The following UGT2B7 variants were observed in gnomAD, a reference collection of about 807,000 sequenced individuals.
UGT2B7 encodes the protein UDP glucuronosyltransferase family 2 member B7, also known as UDP-glucuronosyltransferase 2B7.
In UGT2B7, 51 loss-of-function variants were observed where a neutral mutation model predicts 51.9. The ratio of observed to expected loss-of-function variants is 0.98; its 90% CI spans 0.78 to 1.24. The LOEUF (loss-of-function observed/expected upper bound fraction) is 1.24, where lower values mean the gene tolerates loss of function less well. Ranked by LOEUF, UGT2B7 falls within the 50% of genes most tolerant of loss-of-function variation. The pLI, the probability that UGT2B7 is intolerant of heterozygous loss-of-function variation, is 0.00. For synonymous variants in UGT2B7, 225 were observed against 211.6 expected (o/e 1.06, Z -0.55); for missense variants, 727 against 628.4 (o/e 1.16, Z -1.68).
chr4:69,086,456 T>C (rs1405274906), intron 1 of UGT2B7, among the ~76,000 whole-genome samples: 7 of 151,922 alleles, frequency 4.6e-5, no homozygotes, highest in Non-Finnish European at 7.4e-5. Flanking sequence ...CTGCAGCTGT[T>C]GGATGGAATG....
chr4:69,101,857 T>C (rs1719428147), intron 2 of UGT2B7, among the ~76,000 whole-genome samples: 1 of 152,126 alleles, frequency 6.6e-6, no homozygotes, highest in African/African-American at 2.4e-5. Flanking sequence ...TGTTACGTGG[T>C]GTGTGTGAGC....
chr4:69,112,423 C>G lies in UGT2B7; in HGVS notation c.1311-34C>G, dbSNP rs760146898. On this transcript the variant is annotated intron_variant, in intron 5 of 5. Coordinates refer to ENST00000305231, the MANE Select transcript of UGT2B7 (RefSeq NM_001074.4). Reference sequence around the variant, plus strand: ...TGAGGGGTTTTGTCTGTAACTCTTCCTGCTACATTACTGTCTTTATTTTTA... The same window carrying G: ...TGAGGGGTTTTGTCTGTAACTCTTCGTGCTACATTACTGTCTTTATTTTTA... 43 of 1,596,378 alleles carry G rather than the reference C, an allele frequency of 2.7e-5. No individual in the cohort carries two copies. The Middle Eastern group carries it at 7.1e-4, about 26-fold the overall frequency.
intron 1 of UGT2B7, chr4:69,066,496 T>C (rs1392598606): frequency 1.3e-5 from 2 of 152,138 alleles, no homozygotes; most frequent in Admixed American, 6.6e-5. Flanking sequence ...ACTCTGAGGA[T>C]CAAATATTGA....
chr4:69,086,227 A>T (rs1718952947), intron 1 of UGT2B7, among the ~76,000 whole-genome samples: 1 of 151,802 alleles, frequency 6.6e-6, no homozygotes, highest in South Asian at 2.1e-4. Flanking sequence ...ATATTTTAAA[A>T]TAATTTATCT....
At chr4:69,085,227 G>A (rs1444727632) in intron 1 of UGT2B7, among the ~76,000 whole-genome samples, 1 of 152,040 alleles carries the variant, frequency 6.6e-6, no homozygotes, top group African/African-American at 2.4e-5. Context: ...TAATGATGAC[G>A]AGCTTTTTTT....
intron 5 of UGT2B7, among the ~76,000 whole-genome samples, chr4:69,111,443 C>A (rs964894080): frequency 1.3e-5 from 2 of 152,128 alleles, no homozygotes; most frequent in African/African-American, 4.8e-5. Flanking sequence ...CACCATGACA[C>A]AATTACTTTT....
intron 3 of UGT2B7, among the ~76,000 whole-genome samples, chr4:69,105,829 T>A (rs1719577568): frequency 6.6e-6 from 1 of 152,146 alleles, no homozygotes; most frequent in Admixed American, 6.6e-5. Flanking sequence ...TTTATGGACT[T>A]GTTATTTTGT....
intron 2 of UGT2B7, among the ~76,000 whole-genome samples, chr4:69,101,450 G>A (rs1274373636): frequency 2.6e-5 from 4 of 151,924 alleles, no homozygotes; most frequent in African/African-American, 9.7e-5. Context: ...TGATGAATCT[G>A]TAAAGAGGCT....
At chr4:69,101,315 CA>C (rs1560510096) in intron 2 of UGT2B7, among the ~76,000 whole-genome samples, 2 of 151,976 alleles carry the variant, frequency 1.3e-5, no homozygotes, top group East Asian at 3.9e-4. Flanking sequence ...AATATCACAA[CA>C]TAAAAATTTT....
intron 1 of UGT2B7, among the ~76,000 whole-genome samples, chr4:69,077,257 T>C (rs1718728089): frequency 6.6e-6 from 1 of 151,658 alleles, no homozygotes; most frequent in Admixed American, 6.6e-5. Flanking sequence ...TTGTCTTGGC[T>C]CTGCAGGCTC....
intron 2 of UGT2B7, among the ~76,000 whole-genome samples, chr4:69,091,322 C>G (rs1380269042): frequency 6.6e-6 from 1 of 151,528 alleles, no homozygotes; most frequent in Non-Finnish European, 1.5e-5. Flanking sequence ...CACCTTGTAC[C>G]TTTGGGTTTT....
At chr4:69,111,763 A>T (rs1214567370) in intron 5 of UGT2B7, among the ~76,000 whole-genome samples, 1 of 152,208 alleles carries the variant, frequency 6.6e-6, no homozygotes, top group African/African-American at 2.4e-5. Context: ...CTTCAAAAAA[A>T]ATTAACTTTC....
At chr4:69,053,867 T>C (rs534965425) in intron 1 of UGT2B7, among the ~76,000 whole-genome samples, 38 of 152,258 alleles carry the variant, frequency 2.5e-4, no homozygotes, top group African/African-American at 7.9e-4. Flanking sequence ...TGTGCTTTAG[T>C]CCATTTGGCT....
At chr4:69,059,476 A>T (rs2109861713) in intron 1 of UGT2B7, among the ~76,000 whole-genome samples, 1 of 152,300 alleles carries the variant, frequency 6.6e-6, no homozygotes, top group African/African-American at 2.4e-5. Context: ...TATGATGTTA[A>T]CCCGTACTGT....
intron 1 of UGT2B7, among the ~76,000 whole-genome samples, chr4:69,052,854 G>C (rs564952951): frequency 2.0e-5 from 3 of 152,112 alleles, no homozygotes; most frequent in East Asian, 3.9e-4. Flanking sequence ...CATACCTTTG[G>C]TAAAAAGATT....
At chr4:69,076,158 T>A (rs1718701648) in intron 1 of UGT2B7, among the ~76,000 whole-genome samples, 1 of 152,226 alleles carries the variant, frequency 6.6e-6, no homozygotes, top group African/African-American at 2.4e-5. Flanking sequence ...ATGTGCCACA[T>A]TTTCTTTATC....
intron 1 of UGT2B7, among the ~76,000 whole-genome samples, chr4:69,077,680 G>A (rs1445731722): frequency 1.3e-5 from 2 of 152,076 alleles, no homozygotes; most frequent in Non-Finnish European, 2.9e-5. Context: ...GGAGATTTGG[G>A]GCTGAGACAG....
At chr4:69,075,896 AT>A (rs1424896827) in intron 1 of UGT2B7, among the ~76,000 whole-genome samples, 1 of 152,084 alleles carries the variant, frequency 6.6e-6, no homozygotes, top group Non-Finnish European at 1.5e-5. Flanking sequence ...TGTCACCTAT[AT>A]TAGGTATTTC....
At position 69,102,978 on chromosome 4, in the gene UGT2B7, A is replaced by G. The variant is rs201434270; in HGVS notation, c.1002+40A>G. On this transcript the variant is annotated intron_variant, in intron 3 of 5. Coordinates refer to ENST00000305231, the MANE Select transcript of UGT2B7 (RefSeq NM_001074.4). ...CTTACTGGTGTGGAAAACTACTGAA[A>G]GAGGCTGTTAAAGTTTGAAGTAATC... 9 of 1,591,860 alleles carry G rather than the reference A, an allele frequency of 5.7e-6. No individual in the cohort carries two copies. In the East Asian group the frequency reaches 1.8e-4, roughly 32 times the overall value.
Sources: gnomAD v4.1 joint callset for allele counts (sites outside exome capture counted in the v4.1 genomes callset) on GRCh38, gnomAD v4.1.1 for gene constraint, MANE v1.5 for transcripts, NCBI Gene and HGNC (gene_info 2026-07-23, HGNC 2026-07-21) for gene names.